Variants in DAB2IP observed in about 807,000 individuals in gnomAD.
DAB2IP encodes DAB2 interacting protein.
A neutral mutation model predicts 107.2 loss-of-function variants in DAB2IP; 28 were observed. The observed-to-expected ratio is 0.26, with a 90% CI of 0.19 to 0.36. DAB2IP has a LOEUF of 0.36. Ranked by LOEUF, DAB2IP falls within the 10% of genes least tolerant of loss-of-function variation. The probability of loss-of-function intolerance (pLI) is 1.00; values close to 1 mark genes in which losing one functional copy is unlikely to be tolerated. For missense variants in DAB2IP, 1,400 were observed against 1,644.7 expected (o/e 0.85, Z 2.57); for synonymous variants, 755 against 706.4 (o/e 1.07, Z -1.09).
chr9:121,695,049 G>A (rs1829351066), intron 2 of DAB2IP, among the ~76,000 whole-genome samples: 2 of 152,138 alleles, frequency 1.3e-5, no homozygotes, highest in South Asian at 2.1e-4. Flanking sequence ...TTGCTCCAGT[G>A]AATGAAAGCT....
chr9:121,610,858 G>A (rs1831069828), intron 1 of DAB2IP, among the ~76,000 whole-genome samples: 1 of 152,144 alleles, frequency 6.6e-6, no homozygotes. Context: ...CCCCCTGTAG[G>A]TCACTGGCTT....
intron 9 of DAB2IP, among the ~76,000 whole-genome samples, chr9:121,767,990 G>A (rs1217756698): frequency 1.3e-5 from 2 of 152,116 alleles, no homozygotes; most frequent in African/African-American, 4.8e-5. Context: ...TCAGGAGGAG[G>A]GCATGGGTTT....
intron 1 of DAB2IP, among the ~76,000 whole-genome samples, chr9:121,625,187 T>G (rs548143975): frequency 6.6e-6 from 1 of 151,610 alleles, no homozygotes; most frequent in Non-Finnish European, 1.5e-5. Context: ...CATTCACCCC[T>G]GTCACACAGC....
rs1231279969 is a variant in DAB2IP, at chr9:121,772,017, C to T, written c.2079-590C>T. On this transcript the variant is annotated intron_variant, in intron 11 of 15. Transcript: ENST00000408936. This position sits in a 1 kb window ranked among gnomAD's most constrained non-coding sequence, Gnocchi z 4.7. Reference sequence around the variant, plus strand: ...GGAGGAGGCCAGGGCAAGTGCAGCCCTCCCACCAAGTCATGCTCTCCACAG... The same window carrying T: ...GGAGGAGGCCAGGGCAAGTGCAGCCTTCCCACCAAGTCATGCTCTCCACAG... Among the ~76,000 whole-genome samples the T allele has an allele frequency of 6.6e-6, 1 of 152,200 alleles. No individual in the cohort carries two copies. Among genetic ancestry groups the T allele is most frequent in the African/African-American group, 2.4e-5 (1 of 41,454 alleles).
At chr9:121,622,752 C>A (rs760307392) in intron 1 of DAB2IP, among the ~76,000 whole-genome samples, 2 of 152,196 alleles carry the variant, frequency 1.3e-5, no homozygotes, top group Non-Finnish European at 2.9e-5. Flanking sequence ...CACCCCACCC[C>A]CTGCCCCCAG....
chr9:121,779,731 C>A (rs1369731314), intron 14 of DAB2IP, among the ~76,000 whole-genome samples: 2 of 152,238 alleles, frequency 1.3e-5, no homozygotes, highest in African/African-American at 4.8e-5. Flanking sequence ...TTCGTGTTCT[C>A]CTTTCTGACG....
chr9:121,774,315 C>G, exon 13 of DAB2IP: 1 of 1,613,594 alleles, frequency 6.2e-7, no homozygotes, highest in Non-Finnish European at 8.5e-7. Flanking sequence ...TGGCTCTTGA[C>G]CATGAACGCG....
At chr9:121,655,273 A>G (rs1467808145) in intron 1 of DAB2IP, among the ~76,000 whole-genome samples, 6 of 152,258 alleles carry the variant, frequency 3.9e-5, no homozygotes, top group Non-Finnish European at 8.8e-5. Context: ...CCAGAAGGGT[A>G]TCATCAGCAA....
chr9:121,637,392 C>T (rs112333846), intron 1 of DAB2IP, among the ~76,000 whole-genome samples: 5 of 152,214 alleles, frequency 3.3e-5, no homozygotes, highest in Non-Finnish European at 5.9e-5. Context: ...GTCCGTGAAA[C>T]GGTTCCGATG....
chr9:121,573,933 G>A (rs549891046), intron 1 of DAB2IP, among the ~76,000 whole-genome samples: 5 of 152,186 alleles, frequency 3.3e-5, no homozygotes, highest in South Asian at 4.1e-4. Context: ...CCTCTCTCCC[G>A]GGGAGCGTTC....
At chr9:121,724,352 CT>C (rs985116888) in intron 3 of DAB2IP, among the ~76,000 whole-genome samples, 2 of 151,996 alleles carry the variant, frequency 1.3e-5, no homozygotes, top group Admixed American at 1.3e-4. Flanking sequence ...CTCTTCTTCT[CT>C]TCCTGGAACA....
intron 2 of DAB2IP, among the ~76,000 whole-genome samples, chr9:121,697,434 T>C (rs1829482232): frequency 6.6e-6 from 1 of 152,162 alleles, no homozygotes; most frequent in Non-Finnish European, 1.5e-5. Context: ...CCCCCTCTCC[T>C]ATAGCTGGCA....
chr9:121,694,898 C>A (rs1829343539), intron 2 of DAB2IP, among the ~76,000 whole-genome samples: 1 of 152,186 alleles, frequency 6.6e-6, no homozygotes, highest in Admixed American at 6.5e-5. Context: ...CCTTGGTTGA[C>A]CTCAGCGTCG....
rs530420585 is a variant in DAB2IP, at chr9:121,583,115, C to T, written c.40+15887C>T. On this transcript the variant is annotated intron_variant, in intron 1 of 16. Coordinates refer to the DAB2IP transcript ENST00000259371. ...AGAAAACGGAGAAGCTGGCCGGCCG[C>T]GGTGGCTCACCCCTTAATCCCAACA... Among the ~76,000 whole-genome samples, 34 of 152,326 alleles carry T rather than the reference C, an allele frequency of 2.2e-4. No individual in the cohort carries two copies. In the South Asian group the frequency reaches 6.2e-3, roughly 28 times the overall value.
chr9:121,631,813 T>TAA lies in DAB2IP; in HGVS notation c.41-46840_41-46839dup, dbSNP rs752400251. ...CCTGGCTACAGGGCAAGACTCCGTC[T>TAA]AAAAAAAAAAAAAAAAAAAAAAAAA... On this transcript the variant is annotated intron_variant, in intron 1 of 16. Transcript: ENST00000259371. Among the ~76,000 whole-genome samples the TAA allele has an allele frequency of 5.3e-3, 314 of 58,888 alleles. 7 individuals are homozygous for TAA. Among genetic ancestry groups the TAA allele is most frequent in the Middle Eastern group, 0.02 (2 of 102 alleles). The allele number at this position is 58,888 out of a possible 152,430, so 38.6% of individuals were successfully genotyped here. A position where few individuals can be genotyped will look rare whatever the true frequency, so the allele number is the denominator to read the frequency against.
At chr9:121,590,621 G>T (rs1368777971) in intron 1 of DAB2IP, among the ~76,000 whole-genome samples, 3 of 152,104 alleles carry the variant, frequency 2.0e-5, no homozygotes, top group African/African-American at 7.2e-5. Flanking sequence ...AAATGAGAGA[G>T]CATCTGGCAA....
chr9:121,781,586 T>C (rs779685700), intron 15 of DAB2IP, 35 bp downstream of exon 15: 1 of 1,600,846 alleles, frequency 6.2e-7, no homozygotes, highest in South Asian at 1.1e-5. Flanking sequence ...GCCACAAGAG[T>C]TAAAGGGCCT....
chr9:121,615,149 C>T (rs935617877), intron 1 of DAB2IP, among the ~76,000 whole-genome samples: 4 of 152,138 alleles, frequency 2.6e-5, no homozygotes, highest in East Asian at 1.9e-4. Context: ...CAATAGTTGT[C>T]GGCCCAAGTA....
At chr9:121,646,701 C>T (rs1428296958), upstream of DAB2IP, among the ~76,000 whole-genome samples, 1 of 152,078 alleles carries the variant, frequency 6.6e-6, no homozygotes, top group African/African-American at 2.4e-5. Context: ...GTGTGGGCTC[C>T]GATGCTTCCC....
Sources: allele counts gnomAD v4.1 joint callset (sites outside exome capture counted in the v4.1 genomes callset), GRCh38; gene constraint gnomAD v4.1.1; non-coding constraint Gnocchi (gnomAD v3.1); transcripts MANE v1.5; gene names NCBI Gene and HGNC (gene_info 2026-07-23, HGNC 2026-07-21).